The following DPP6 variants were observed in gnomAD, a reference collection of about 807,000 sequenced individuals.
The protein encoded by DPP6 is A-type potassium channel modulatory protein DPP6.
Under a neutral mutation model 122.6 loss-of-function variants are expected in DPP6, and 69 were observed. That is an observed-to-expected ratio of 0.56 (90% CI 0.46 to 0.69). The LOEUF (loss-of-function observed/expected upper bound fraction) is 0.69. Among genes scored for constraint, DPP6 ranks in the 30% least tolerant of loss-of-function variants. The pLI is 0.00. For synonymous variants in DPP6, 418 were observed against 433.1 expected, an observed-to-expected ratio of 0.97 and a Z score of 0.43; for missense variants, 928 against 1,116.9, an observed-to-expected ratio of 0.83 and a Z score of 2.41.
intron 1 of DPP6, among the ~76,000 whole-genome samples, chr7:154,445,710 G>T (rs996361513): frequency 3.6e-4 from 54 of 152,080 alleles, no homozygotes; most frequent in African/African-American, 1.3e-3. Context: ...GTGAAAATTG[G>T]CACATAGCAT....
intron 1 of DPP6, among the ~76,000 whole-genome samples, chr7:153,965,760 A>G (rs1470107989): frequency 1.3e-5 from 2 of 151,968 alleles, no homozygotes; most frequent in Non-Finnish European, 2.9e-5. Flanking sequence ...CGAGGCCCAG[A>G]CAGGCGGATC....
At chr7:154,321,210 G>A (rs1380201128) in intron 1 of DPP6, among the ~76,000 whole-genome samples, 2 of 151,832 alleles carry the variant, frequency 1.3e-5, no homozygotes, top group Non-Finnish European at 2.9e-5. Context: ...CCAAAAGATC[G>A]AGGCTGCAGT....
chr7:154,479,161 C>A (rs1209478833), intron 3 of DPP6, among the ~76,000 whole-genome samples: 3 of 152,174 alleles, frequency 2.0e-5, no homozygotes, highest in Non-Finnish European at 4.4e-5. Flanking sequence ...ATGATTGGTA[C>A]AACAGCCTCA....
At chr7:153,863,092 C>T in the DPP6 span, among the ~76,000 whole-genome samples, 291 of 152,168 alleles carry the variant, frequency 1.9e-3, no homozygotes, top group Non-Finnish European at 3.0e-3. Context: ...ACTTGCTAAC[C>T]GATCTTTTGA....
chr7:154,574,240 G>GTGTGTA (rs1831308956), intron 5 of DPP6, among the ~76,000 whole-genome samples: 2 of 148,038 alleles, frequency 1.4e-5, no homozygotes, highest in Admixed American at 6.7e-5. Context: ...GTGTGGTGTG[G>GTGTGTA]TGTGTATGTG....
intron 1 of DPP6, chr7:154,058,979 T>G (rs1225726887): frequency 2.1e-5 from 3 of 142,128 alleles, no homozygotes; most frequent in East Asian, 2.2e-4. Context: ...AGGCAGGGAC[T>G]GAGAGCCAGC....
intron 3 of DPP6, among the ~76,000 whole-genome samples, 190 bp from the exon 4 acceptor site, chr7:154,540,342 G>A: frequency 6.6e-6 from 1 of 152,208 alleles, no homozygotes; most frequent in East Asian, 1.9e-4. Context: ...TGTAAAGTAG[G>A]AGAGAAGCAT....
At position 154,226,180 on chromosome 7, in the gene DPP6, G is replaced by A. The variant is rs147442647; in HGVS notation, c.243+173117G>A. 4.7e-3 allele frequency among the ~76,000 whole-genome samples: 721 copies of A among 152,294 alleles called. 2 individuals carry two copies. The highest frequency in any genetic ancestry group is 7.7e-3 in the Non-Finnish European group (527 of 68,010). ...CAGAGTTCTGGGGCTGAAGGAAGAT[G>A]AGAGGGAAGGTGGAGTCCTCACCAA... On this transcript the variant is annotated intron_variant, in intron 1 of 25. Coordinates refer to ENST00000377770, the MANE Select transcript of DPP6 (RefSeq NM_130797.4).
At chr7:153,938,559 A>G (rs1296476919) in intron 1 of DPP6, among the ~76,000 whole-genome samples, 2 of 152,226 alleles carry the variant, frequency 1.3e-5, no homozygotes, top group African/African-American at 4.8e-5. Flanking sequence ...GAAAGAAAAC[A>G]GCCGAGTCAA....
Position 154,377,010 on chromosome 7 carries a change from C to A in DPP6, c.244-69204C>A, listed in dbSNP as rs989152180. 1.4e-4 allele frequency among the ~76,000 whole-genome samples: 22 copies of A among 152,114 alleles called. 1 individual carries two copies. Among genetic ancestry groups the A allele is most frequent in the Admixed American group, 1.2e-3 (19 of 15,272 alleles). On this transcript the variant is annotated intron_variant, in intron 1 of 25. Coordinates refer to ENST00000377770, the MANE Select transcript of DPP6 (RefSeq NM_130797.4). ...ATCTTACAGCAAACACTTTTAGTGA[C>A]AAACAAGTCAAATTAATAATAATAA... is the stretch of plus-strand genomic sequence containing the variant.
intron 1 of DPP6, among the ~76,000 whole-genome samples, chr7:153,942,567 A>G (rs953127382): frequency 6.6e-6 from 1 of 152,196 alleles, no homozygotes; most frequent in African/African-American, 2.4e-5. Flanking sequence ...GAAGGGAGGC[A>G]GGAGACCGGT....
intron 8 of DPP6, among the ~76,000 whole-genome samples, chr7:154,744,418 C>T (rs928194585): frequency 6.6e-6 from 1 of 152,214 alleles, no homozygotes; most frequent in Non-Finnish European, 1.5e-5. Flanking sequence ...TGCCACCTGG[C>T]GGCCAGCCGA....
intron 1 of DPP6, among the ~76,000 whole-genome samples, chr7:153,928,948 G>A (rs889484813): frequency 6.6e-6 from 1 of 152,190 alleles, no homozygotes; most frequent in Non-Finnish European, 1.5e-5. Context: ...TTCAGAGAAA[G>A]GTAACGGAAT....
intron 1 of DPP6, among the ~76,000 whole-genome samples, chr7:154,392,296 G>A (rs2151167320): frequency 6.6e-6 from 1 of 152,274 alleles, no homozygotes; most frequent in Admixed American, 6.5e-5. Flanking sequence ...AAACAACTGT[G>A]CTATTTTAAT....
intron 1 of DPP6, among the ~76,000 whole-genome samples, chr7:154,271,406 C>G (rs926176209): frequency 2.6e-5 from 4 of 152,132 alleles, no homozygotes; most frequent in African/African-American, 9.7e-5. Flanking sequence ...GTGTTGAGTT[C>G]TACTGTGATT....
At chr7:154,647,028 G>C (rs370153056) in intron 6 of DPP6, among the ~76,000 whole-genome samples, 3 of 152,288 alleles carry the variant, frequency 2.0e-5, no homozygotes, top group African/African-American at 7.2e-5. Flanking sequence ...GTCCTCATTT[G>C]GTCAGGCTCC....
chr7:154,205,724 C>T (rs1226094745), intron 1 of DPP6, among the ~76,000 whole-genome samples: 1 of 151,902 alleles, frequency 6.6e-6, no homozygotes, highest in Non-Finnish European at 1.5e-5. Context: ...TTTTACAGCT[C>T]AGACTGGGCA....
At chr7:154,252,240 G>C (rs1030446913) in intron 1 of DPP6, among the ~76,000 whole-genome samples, 1 of 151,820 alleles carries the variant, frequency 6.6e-6, no homozygotes, top group Non-Finnish European at 1.5e-5. Context: ...GTGTGTGCGC[G>C]CATGCGCACG....
chr7:154,783,837 G>A (rs913173356), intron 10 of DPP6, among the ~76,000 whole-genome samples: 4 of 152,142 alleles, frequency 2.6e-5, no homozygotes, highest in African/African-American at 9.7e-5. Flanking sequence ...GAGGAAGAAT[G>A]GTAAGGCCTG....
Sources: allele counts gnomAD v4.1 joint callset (sites outside exome capture counted in the v4.1 genomes callset), GRCh38; gene constraint gnomAD v4.1.1; transcripts MANE v1.5; gene names NCBI Gene and HGNC (gene_info 2026-07-23, HGNC 2026-07-21).